The following NEDD1 variants were observed in gnomAD, a reference collection of about 807,000 sequenced individuals.
NEDD1 encodes the protein NEDD1 gamma-tubulin ring complex targeting factor, also known as protein NEDD1.
Under a neutral mutation model 74.0 loss-of-function variants are expected in NEDD1, and 33 were observed. That is an observed-to-expected ratio of 0.45 (90% CI 0.34 to 0.60). The LOEUF (loss-of-function observed/expected upper bound fraction) is 0.60, where lower values mean the gene tolerates loss of function less well. NEDD1 is among the 20% of genes least tolerant of loss of function. The pLI is 0.01. For synonymous variants in NEDD1, 250 were observed against 264.4 expected, an observed-to-expected ratio of 0.95 and a Z score of 0.53; for missense variants, 746 against 776.5, an observed-to-expected ratio of 0.96 and a Z score of 0.47.
rs142175766 is a variant in NEDD1 at position 96,946,253 on chromosome 12, A to G, written c.1811+404A>G. Reference sequence around the variant, plus strand: ...AAAGCACAATTCTGAATGTTTTCCAATAGAATGCATCAGAATGTAATACTT... The same window carrying G: ...AAAGCACAATTCTGAATGTTTTCCAGTAGAATGCATCAGAATGTAATACTT... On this transcript the variant is annotated intron_variant, in intron 14 of 15. Transcript: ENST00000266742. Among the ~76,000 whole-genome samples the G allele has an allele frequency of 1.1e-4, 16 of 152,266 alleles. No individual in the cohort carries two copies. In the East Asian group the frequency reaches 2.7e-3, roughly 26 times the overall value.
At chr12:96,922,477 C>T (rs1007297953) in intron 6 of NEDD1, among the ~76,000 whole-genome samples, 1 of 152,018 alleles carries the variant, frequency 6.6e-6, no homozygotes, top group African/African-American at 2.4e-5. Flanking sequence ...AAAAATTAGA[C>T]CAGATACTAC....
intron 15 of NEDD1, 82 bp downstream of exon 15, chr12:96,951,580 ATTTT>A: frequency 1.4e-6 from 1 of 737,720 alleles, no homozygotes; most frequent in East Asian, 2.8e-5. Context: ...AAGGTAATAT[ATTTT>A]AGTTGTTTTG....
At chr12:96,935,253 T>C (rs1193966927) in intron 7 of NEDD1, 48 bp downstream of exon 7, 2 of 1,109,472 alleles carry the variant, frequency 1.8e-6, no homozygotes, top group South Asian at 2.5e-5. Context: ...ATAGCTATTA[T>C]TCCATTAACA....
intron 6 of NEDD1, among the ~76,000 whole-genome samples, chr12:96,921,662 A>T (rs1592876090): frequency 6.7e-6 from 1 of 149,338 alleles, no homozygotes; most frequent in South Asian, 2.1e-4. Flanking sequence ...TAGAAGAGGG[A>T]TTTTTTTTTT....
chr12:96,921,006 G>A (rs1875020026), intron 6 of NEDD1, among the ~76,000 whole-genome samples: 2 of 152,134 alleles, frequency 1.3e-5, no homozygotes, highest in South Asian at 4.1e-4. Context: ...CAGTCTTATG[G>A]TGATTCAGAA....
Position 96,907,273 on chromosome 12 carries a change from C to T in NEDD1, c.-289C>T, listed in dbSNP as rs1376882698. ...CGGAAGCCCAGCGCGGAGCCGGCCG[C>T]GGCCCCCTGTTGTGTTGCTGCGGAG... is the stretch of plus-strand genomic sequence containing the variant. On this transcript the variant is annotated 5_prime_UTR_variant, in exon 1 of 16. Transcript: ENST00000266742. The T allele has an allele frequency of 7.9e-6, 2 of 253,022 alleles. No homozygotes were observed. The highest frequency in any genetic ancestry group is 7.4e-6 in the Non-Finnish European group (1 of 134,420). The allele number at this position is 253,022 out of a possible 1,614,324, so 15.7% of individuals were successfully genotyped here. A position where few individuals can be genotyped will look rare whatever the true frequency, so the allele number is the denominator to read the frequency against.
Position 96,920,081 on chromosome 12 carries a change from A to G in NEDD1, c.445A>G (p.Thr149Ala), listed in dbSNP as rs1276469327. Reference sequence around the variant, plus strand: ...TGGTGAAATTATTTTACACAGTGTAACCACTAATTTATCTAGTACTCCTTT... The same window carrying G: ...TGGTGAAATTATTTTACACAGTGTAGCCACTAATTTATCTAGTACTCCTTT... The part of the protein sequence containing the change: ...LSGEIILHSV[T>A]TNLSSTPFGH... The change falls in exon 6 of 16, where the codon ACC (threonine) becomes GCC (alanine). Residue 149 changes from threonine (T) to alanine (A), a missense_variant. Thr to Ala is a moderately conservative substitution (Grantham distance 58). Transcript: ENST00000266742. 6.2e-7 allele frequency: 1 copy of G among 1,606,280 alleles called. No homozygotes were observed. Among genetic ancestry groups the G allele is most frequent in the African/African-American group, 1.3e-5 (1 of 74,800 alleles).
intron 6 of NEDD1, among the ~76,000 whole-genome samples, chr12:96,924,202 A>G (rs898540644): frequency 3.3e-5 from 5 of 152,094 alleles, no homozygotes; most frequent in African/African-American, 9.7e-5. Context: ...TAGTCGTTCT[A>G]TTTTGTTCCG....
chr12:96,931,429 G>A (rs1211340664), intron 6 of NEDD1, among the ~76,000 whole-genome samples: 1 of 152,164 alleles, frequency 6.6e-6, no homozygotes, highest in Non-Finnish European at 1.5e-5. Context: ...CAATGTAAGA[G>A]CAGTTGCAAA....
intron 6 of NEDD1, among the ~76,000 whole-genome samples, chr12:96,928,173 A>G (rs1002287341): frequency 1.3e-5 from 2 of 152,170 alleles, no homozygotes; most frequent in African/African-American, 4.8e-5. Flanking sequence ...TCTTCTGTCC[A>G]TATAGTTATA....
At chr12:96,939,910 G>A (rs976398630) in intron 9 of NEDD1, among the ~76,000 whole-genome samples, 3 of 151,904 alleles carry the variant, frequency 2.0e-5, no homozygotes, top group Non-Finnish European at 4.4e-5. Context: ...TGAAAGAAAA[G>A]ACAGAAAACC....
intron 14 of NEDD1, among the ~76,000 whole-genome samples, chr12:96,947,494 AAC>A (rs1878309955): frequency 6.6e-6 from 1 of 152,210 alleles, no homozygotes; most frequent in South Asian, 2.1e-4. Context: ...TGAAGGTCTT[AAC>A]ACACAGGTAA....
chr12:96,919,402 A>G (rs1431141928), intron 5 of NEDD1, among the ~76,000 whole-genome samples: 1 of 152,166 alleles, frequency 6.6e-6, no homozygotes, highest in Non-Finnish European at 1.5e-5. Context: ...AGGCTTTTCT[A>G]AGCATTAAAT....
intron 4 of NEDD1, 93 bp downstream of exon 4, chr12:96,912,910 GTT>G (rs1341369967): frequency 1.9e-5 from 12 of 625,576 alleles, no homozygotes; most frequent in Non-Finnish European, 3.4e-5. Flanking sequence ...AAATATAAAG[GTT>G]TTTAAAAGCA....
chr12:96,929,588 C>A, intron 6 of NEDD1, among the ~76,000 whole-genome samples: 1 of 61,034 alleles, frequency 1.6e-5, no homozygotes, highest in East Asian at 6.1e-4. Flanking sequence ...CACACACACA[C>A]ACACACACAC....
chr12:96,941,038 G>A (rs1877615656), intron 10 of NEDD1, among the ~76,000 whole-genome samples: 1 of 152,008 alleles, frequency 6.6e-6, no homozygotes, highest in Non-Finnish European at 1.5e-5. Flanking sequence ...ACATTGTTTA[G>A]GTGTGTCTTT....
chr12:96,909,918 A>G lies in NEDD1; in HGVS notation c.136+23A>G, dbSNP rs192311114. The G allele has an allele frequency of 3.2e-4, 506 of 1,565,718 alleles. 1 individual carries two copies. The highest frequency in any genetic ancestry group is 4.2e-4 in the Non-Finnish European group (488 of 1,156,884). The stretch of plus-strand genomic sequence containing the variant: ...ATAGTATCCTTTAAAAAAAAAAAAC[A>G]CACACACACACACACAAACCGCTTA... On this transcript the variant is annotated intron_variant, in intron 3 of 15. Coordinates refer to ENST00000266742, the MANE Select transcript of NEDD1 (RefSeq NM_152905.4).
chr12:96,929,155 TTTTTG>T (rs1459046875), intron 6 of NEDD1, among the ~76,000 whole-genome samples: 1 of 151,882 alleles, frequency 6.6e-6, no homozygotes, highest in Non-Finnish European at 1.5e-5. Flanking sequence ...TTTTTAAACT[TTTTTG>T]TTATTTCTTT....
chr12:96,943,783 C>T, intron 12 of NEDD1, 21 bp downstream of exon 12: 3 of 1,482,206 alleles, frequency 2.0e-6, no homozygotes, highest in Non-Finnish European at 2.8e-6. Flanking sequence ...GAAAATGATA[C>T]TGAACTCACT....
Sources: gnomAD v4.1 joint callset for allele counts (sites outside exome capture counted in the v4.1 genomes callset) on GRCh38, gnomAD v4.1.1 for gene constraint, MANE v1.5 for transcripts, NCBI Gene and HGNC (gene_info 2026-07-23, HGNC 2026-07-21) for gene names.